RAB11A: variants seen among roughly 807,000 people sequenced by gnomAD.
The protein encoded by RAB11A is ras-related protein Rab-11A.
Under a neutral mutation model 28.0 loss-of-function variants are expected in RAB11A, and 9 were observed. The ratio of observed to expected loss-of-function variants is 0.32; its 90% CI spans 0.19 to 0.56. The LOEUF (loss-of-function observed/expected upper bound fraction) is 0.56. RAB11A is among the 20% of genes least tolerant of loss of function. The pLI is 0.91. For missense variants in RAB11A, 108 were observed against 269.6 expected, an observed-to-expected ratio of 0.40 and a Z score of 4.20; for synonymous variants, 85 against 88.2, an observed-to-expected ratio of 0.96 and a Z score of 0.20.
chr15:65,884,946 A>T (rs918195544), intron 4 of RAB11A, among the ~76,000 whole-genome samples: 1 of 149,328 alleles, frequency 6.7e-6, no homozygotes, highest in Non-Finnish European at 1.5e-5. Flanking sequence ...ACCAATTCCT[A>T]TGCAGTCGCC....
chr15:65,877,288 A>G lies in RAB11A; in HGVS notation c.41-44A>G, dbSNP rs775115706. The G allele has an allele frequency of 4.7e-6, 7 of 1,475,136 alleles. No individual in the cohort carries two copies. The highest frequency in any genetic ancestry group is 5.6e-6 in the Non-Finnish European group (6 of 1,073,628). 91.4% of individuals were successfully genotyped at this position (1,475,136 alleles called of 1,614,324 possible). ...TTGAAAGCATAGTGGTGTTCTGAAT[A>G]TGTTTGCCTCATTCATCTGACATTG... is the stretch of plus-strand genomic sequence containing the variant. On this transcript the variant is annotated intron_variant, in intron 1 of 4. Coordinates refer to ENST00000261890, the MANE Select transcript of RAB11A (RefSeq NM_004663.5). The surrounding 1 kb of genome is among the most constrained non-coding windows in gnomAD (Gnocchi z 4.1).
At chr15:65,886,968 G>A (rs990872133) in intron 4 of RAB11A, among the ~76,000 whole-genome samples, 3 of 151,970 alleles carry the variant, frequency 2.0e-5, no homozygotes, top group East Asian at 1.9e-4. Flanking sequence ...TCCAAGAATC[G>A]TTTGGGATTT....
chr15:65,878,148 A>G (rs2078200285), intron 3 of RAB11A, 193 bp downstream of exon 3: 3 of 663,140 alleles, frequency 4.5e-6, no homozygotes, highest in East Asian at 5.6e-5. Context: ...TTTGCTGCCA[A>G]AAAATGAATA....
chr15:65,875,951 G>A (rs1213600888), intron 1 of RAB11A, among the ~76,000 whole-genome samples: 3 of 152,216 alleles, frequency 2.0e-5, no homozygotes, highest in Non-Finnish European at 4.4e-5. Flanking sequence ...AGAAGTCTTA[G>A]TAGTCAAAAG....
At chr15:65,886,829 GA>G (rs2078258797) in intron 4 of RAB11A, among the ~76,000 whole-genome samples, 1 of 152,156 alleles carries the variant, frequency 6.6e-6, no homozygotes, top group South Asian at 2.1e-4. Flanking sequence ...AATTATTTTT[GA>G]TAAGTGTCAT....
chr15:65,886,147 GCTT>G lies in RAB11A; in HGVS notation c.512-1550_512-1548del, dbSNP rs530318364. The stretch of plus-strand genomic sequence containing the variant: ...GGGAGAAGGTCAGAGAGACCTTGAG[GCTT>G]CTTTAGTTCAGCATATCAAAACGCC... On this transcript the variant is annotated intron_variant, in intron 4 of 4. Coordinates refer to ENST00000261890, the MANE Select transcript of RAB11A (RefSeq NM_004663.5). Among the ~76,000 whole-genome samples, 191 of 152,272 alleles carry G rather than the reference GCTT, an allele frequency of 1.3e-3. 2 individuals carry two copies. The highest frequency in any genetic ancestry group is 4.2e-3 in the African/African-American group (174 of 41,550).
At chr15:65,882,710 G>T (rs2078230295) in intron 4 of RAB11A, among the ~76,000 whole-genome samples, 1 of 152,202 alleles carries the variant, frequency 6.6e-6, no homozygotes, top group African/African-American at 2.4e-5. Flanking sequence ...TCCATGAGAT[G>T]ATTTTGCTGA....
intron 4 of RAB11A, among the ~76,000 whole-genome samples, chr15:65,880,616 T>C (rs1255818938): frequency 2.0e-5 from 3 of 152,172 alleles, no homozygotes. Flanking sequence ...GCAGCCCCTG[T>C]ATTAGAGATT....
chr15:65,870,104 C>T (rs532205351), intron 1 of RAB11A: 148 of 153,588 alleles, frequency 9.6e-4, no homozygotes, highest in African/African-American at 3.4e-3. Flanking sequence ...CTTATCTGCC[C>T]TCTTTCCCCC....
Position 65,889,925 on chromosome 15 carries a change from GAGT to G in RAB11A, c.*2090_*2092del. 1 of 152,250 alleles carries G rather than the reference GAGT, an allele frequency of 6.6e-6. No individual in the cohort carries two copies. Among genetic ancestry groups the G allele is most frequent in the East Asian group, 1.9e-4 (1 of 5,186 alleles). 9.4% of individuals were successfully genotyped at this position (152,250 alleles called of 1,614,324 possible). A position where few individuals can be genotyped will look rare whatever the true frequency, so the allele number is the denominator to read the frequency against. On this transcript the variant is annotated 3_prime_UTR_variant, in exon 5 of 5. Coordinates refer to ENST00000261890, the MANE Select transcript of RAB11A (RefSeq NM_004663.5). ...GCATTTCAGCAGGTGTCTTTATTCT[GAGT>G]AGTATCTTAGGAGACAAACTGTCTC...
At chr15:65,883,751 C>T (rs1249554781) in intron 4 of RAB11A, among the ~76,000 whole-genome samples, 1 of 152,010 alleles carries the variant, frequency 6.6e-6, no homozygotes, top group African/African-American at 2.4e-5. Context: ...CCGGTTTTAC[C>T]ATGTTGGCCA....
chr15:65,883,457 A>G (rs1184306852), intron 4 of RAB11A, among the ~76,000 whole-genome samples: 2 of 152,232 alleles, frequency 1.3e-5, no homozygotes. Flanking sequence ...TCAGTGCATC[A>G]TATCAGCAGG....
In RAB11A at chr15:65,877,297, T is replaced by A; in HGVS notation, c.41-35T>A. On this transcript the variant is annotated intron_variant, in intron 1 of 4. Transcript: ENST00000261890. The surrounding 1 kb of genome is among the most constrained non-coding windows in gnomAD (Gnocchi z 4.1). ...TAGTGGTGTTCTGAATATGTTTGCC[T>A]CATTCATCTGACATTGAATTCTTTG... 6.6e-7 allele frequency: 1 copy of A among 1,525,958 alleles called. No individual in the cohort carries two copies. Among genetic ancestry groups the A allele is most frequent in the East Asian group, 2.3e-5 (1 of 43,620 alleles). 94.5% of individuals were successfully genotyped at this position (1,525,958 alleles called of 1,614,324 possible).
At chr15:65,883,409 A>G (rs562854619) in intron 4 of RAB11A, among the ~76,000 whole-genome samples, 2 of 152,320 alleles carry the variant, frequency 1.3e-5, no homozygotes, top group African/African-American at 2.4e-5. Context: ...ATTAAACTCA[A>G]GTTATACACT....
Position 65,887,807 on chromosome 15 carries a change from C to A in RAB11A, c.618C>A (p.Asn206Lys). Reference protein sequence around the residue: ...VPIHVPPTTENKPKVQCCQNI With the variant: ...VPIHVPPTTEKKPKVQCCQNI Reference sequence around the variant, plus strand: ...TTCATGTTCCACCAACCACTGAAAACAAGCCAAAGGTGCAGTGCTGTCAGA... The same window carrying A: ...TTCATGTTCCACCAACCACTGAAAAAAAGCCAAAGGTGCAGTGCTGTCAGA... The change falls in exon 5 of 5, where the codon AAC (asparagine) becomes AAA (lysine). Residue 206 changes from asparagine to lysine, a missense_variant. By Grantham distance (94) the Asn-to-Lys change is moderately conservative. Transcript: ENST00000261890. The A allele has an allele frequency of 6.2e-7, 1 of 1,613,546 alleles. No homozygotes were observed. Among genetic ancestry groups the A allele is most frequent in the Non-Finnish European group, 8.5e-7 (1 of 1,179,772 alleles).
At chr15:65,881,741 T>C (rs2078223477) in intron 4 of RAB11A, among the ~76,000 whole-genome samples, 1 of 152,000 alleles carries the variant, frequency 6.6e-6, no homozygotes, top group South Asian at 2.1e-4. Context: ...ATCCCAGCAT[T>C]TTGGGAGGCT....
At chr15:65,876,696 A>G (rs1443302773) in intron 1 of RAB11A, among the ~76,000 whole-genome samples, 1 of 152,102 alleles carries the variant, frequency 6.6e-6, no homozygotes, top group African/African-American at 2.4e-5. Context: ...AGGGGTCTCT[A>G]ACTTTGAACC....
chr15:65,873,360 A>G (rs548824733), intron 1 of RAB11A, among the ~76,000 whole-genome samples: 29 of 152,258 alleles, frequency 1.9e-4, no homozygotes, highest in African/African-American at 5.3e-4. Flanking sequence ...TTTCTTTTCA[A>G]TCACATTGGA....
intron 3 of RAB11A, among the ~76,000 whole-genome samples, chr15:65,878,990 C>CT (rs35545905): frequency 0.037 from 4,758 of 128,496 alleles, 129 homozygotes; most frequent in Non-Finnish European, 0.052. Flanking sequence ...CAATTTCTCA[C>CT]TTTTTTTTTT....
Sources: allele counts gnomAD v4.1 joint callset (sites outside exome capture counted in the v4.1 genomes callset), GRCh38; gene constraint gnomAD v4.1.1; non-coding constraint Gnocchi (gnomAD v3.1); transcripts MANE v1.5; gene names NCBI Gene and HGNC (gene_info 2026-07-23, HGNC 2026-07-21).